The following ZC3H7A variants were observed in gnomAD, a reference collection of about 807,000 sequenced individuals.
The protein encoded by ZC3H7A is zinc finger CCCH-type containing 7A, also known as zinc finger CCCH domain-containing protein 7A.
A neutral mutation model predicts 125.5 loss-of-function variants in ZC3H7A; 44 were observed. The ratio of observed to expected loss-of-function variants is 0.35; its 90% CI spans 0.28 to 0.45. The LOEUF (loss-of-function observed/expected upper bound fraction) is 0.45, where lower values mean the gene tolerates loss of function less well. Among genes scored for constraint, ZC3H7A ranks in the 20% least tolerant of loss-of-function variants. ZC3H7A has a pLI of 1.00. For missense variants in ZC3H7A, 977 were observed against 1,170.7 expected, an observed-to-expected ratio of 0.83 and a Z score of 2.41; for synonymous variants, 399 against 391.2, an observed-to-expected ratio of 1.02 and a Z score of -0.23.
intron 1 of ZC3H7A, among the ~76,000 whole-genome samples, chr16:11,790,106 T>C (rs1415789052): frequency 6.8e-6 from 1 of 146,014 alleles, no homozygotes; most frequent in Non-Finnish European, 1.5e-5. Flanking sequence ...AAAAAAAGAA[T>C]TTCTAAAGGA....
At chr16:11,777,530 G>C (rs1446099255) in intron 4 of ZC3H7A, among the ~76,000 whole-genome samples, 1 of 152,060 alleles carries the variant, frequency 6.6e-6, no homozygotes, top group African/African-American at 2.4e-5. Context: ...AGACCAGCCT[G>C]GCCAACATGG....
chr16:11,787,873 G>A (rs567520454), intron 1 of ZC3H7A, among the ~76,000 whole-genome samples: 4 of 151,948 alleles, frequency 2.6e-5, no homozygotes, highest in Admixed American at 2.6e-4. Flanking sequence ...TTGAACCCAG[G>A]AGGCAGAGGT....
intron 19 of ZC3H7A, chr16:11,758,876 T>C (rs951730446): frequency 3.9e-6 from 1 of 257,368 alleles, no homozygotes; most frequent in African/African-American, 2.3e-5. Context: ...AGCTCCTGTT[T>C]CCCTGCCCAA....
chr16:11,754,441 A>G (rs1342534792), intron 21 of ZC3H7A, among the ~76,000 whole-genome samples: 2 of 151,844 alleles, frequency 1.3e-5, no homozygotes, highest in East Asian at 3.9e-4. Flanking sequence ...GACGCTGGGC[A>G]AGGCCAGGCC....
intron 13 of ZC3H7A, among the ~76,000 whole-genome samples, chr16:11,767,086 C>G (rs1382258642): frequency 1.3e-5 from 2 of 152,168 alleles, no homozygotes; most frequent in Non-Finnish European, 2.9e-5. Flanking sequence ...TTTCAGTCAA[C>G]TACAGACTGC....
intron 22 of ZC3H7A, 73 bp downstream of exon 22, chr16:11,752,596 G>C: frequency 6.5e-7 from 1 of 1,535,274 alleles, no homozygotes; most frequent in Non-Finnish European, 8.8e-7. Context: ...CAGGTATTCC[G>C]TGTCAGCTGA....
chr16:11,750,701 A>G lies in ZC3H7A; in HGVS notation c.*616T>C, dbSNP rs2052541124. 6.6e-6 allele frequency: 1 copy of G among 152,668 alleles called. No individual in the cohort carries two copies. The highest frequency in any genetic ancestry group is 2.4e-5 in the African/African-American group (1 of 41,422). 9.5% of individuals were successfully genotyped at this position (152,668 alleles called of 1,614,324 possible). On this transcript the variant is annotated 3_prime_UTR_variant, in exon 23 of 23. Transcript: ENST00000355758. ...ATCATCATTTAAACAGCAAAAGACC[A>G]AGAAATAAAATTTGAGTCAATTATT...
Position 11,765,187 on chromosome 16 carries a change from T to A in ZC3H7A, c.1720-34A>T. On this transcript the variant is annotated intron_variant, in intron 14 of 22. Coordinates refer to ENST00000355758, the MANE Select transcript of ZC3H7A (RefSeq NM_014153.4). This position sits in a 1 kb window ranked among gnomAD's most constrained non-coding sequence, Gnocchi z 4.8. ...GAGAGAGAAAGATTATCAAAAAAAA[T>A]ACAAAATATAAATTTTGTACCCAGA... is the stretch of plus-strand genomic sequence containing the variant. The A allele has an allele frequency of 3.0e-6, 4 of 1,322,586 alleles. No individual in the cohort carries two copies. The highest frequency in any genetic ancestry group is 4.1e-6 in the Non-Finnish European group (4 of 966,218). The allele number at this position is 1,322,586 out of a possible 1,614,324, so 81.9% of individuals were successfully genotyped here. A position where few individuals can be genotyped will look rare whatever the true frequency, so the allele number is the denominator to read the frequency against.
At chr16:11,757,708 C>T (rs1597535298) in intron 20 of ZC3H7A, among the ~76,000 whole-genome samples, 1 of 152,116 alleles carries the variant, frequency 6.6e-6, no homozygotes, top group African/African-American at 2.4e-5. Flanking sequence ...AGGGCATCTT[C>T]AGTCAGGCCG....
At chr16:11,756,578 T>C (rs2141158767) in intron 20 of ZC3H7A, among the ~76,000 whole-genome samples, 1 of 152,322 alleles carries the variant, frequency 6.6e-6, no homozygotes, top group East Asian at 1.9e-4. Flanking sequence ...GACTGTTAGA[T>C]GGCAAATATT....
At chr16:11,795,986 A>G (rs2053430605) in intron 1 of ZC3H7A, among the ~76,000 whole-genome samples, 1 of 151,826 alleles carries the variant, frequency 6.6e-6, no homozygotes, top group African/African-American at 2.4e-5. Flanking sequence ...GTGCGCCACC[A>G]CGCCCAGTTA....
chr16:11,786,622 G>C (rs1009323497), intron 1 of ZC3H7A, among the ~76,000 whole-genome samples: 1 of 152,178 alleles, frequency 6.6e-6, no homozygotes, highest in Non-Finnish European at 1.5e-5. Flanking sequence ...CGTTTTTAAT[G>C]CACAAAATAC....
In ZC3H7A at chr16:11,767,381, T is replaced by C. The variant is rs368815238; in HGVS notation, c.1522+36A>G. ...AAGCATGACTGTAGTTCATCACTTA[T>C]GTAATGTATACTAATTAAGTAATTA... On this transcript the variant is annotated intron_variant, in intron 13 of 22. Transcript: ENST00000355758. 31 of 1,414,328 alleles carry C rather than the reference T, an allele frequency of 2.2e-5. No individual in the cohort carries two copies. In the African/African-American group the frequency reaches 3.6e-4, roughly 16 times the overall value. The allele number at this position is 1,414,328 out of a possible 1,614,324, so 87.6% of individuals were successfully genotyped here.
intron 1 of ZC3H7A, chr16:11,782,696 A>G (rs1033571952): frequency 5.3e-6 from 1 of 187,898 alleles, no homozygotes; most frequent in Non-Finnish European, 1.1e-5. Flanking sequence ...GCTCACTGCA[A>G]ACTTCACCTC....
intron 21 of ZC3H7A, among the ~76,000 whole-genome samples, chr16:11,755,482 T>C (rs563036136): frequency 1.1e-4 from 17 of 152,294 alleles, no homozygotes; most frequent in African/African-American, 3.1e-4. Flanking sequence ...GGTAACTTAA[T>C]GTCCCCAAGA....
At chr16:11,788,302 C>G (rs1025203795) in intron 1 of ZC3H7A, among the ~76,000 whole-genome samples, 12 of 152,084 alleles carry the variant, frequency 7.9e-5, no homozygotes, top group African/African-American at 2.4e-4. Flanking sequence ...CTCTTGAGAT[C>G]TCCCCGAGCC....
intron 21 of ZC3H7A, among the ~76,000 whole-genome samples, chr16:11,754,467 A>G (rs929242660): frequency 6.6e-6 from 1 of 151,882 alleles, no homozygotes; most frequent in African/African-American, 2.4e-5. Context: ...CAAGGCCTGC[A>G]ATGGGCAATG....
chr16:11,771,249 A>G (rs891959015), intron 9 of ZC3H7A, among the ~76,000 whole-genome samples: 7 of 151,942 alleles, frequency 4.6e-5, no homozygotes, highest in African/African-American at 1.7e-4. Flanking sequence ...TTGGCTGTGC[A>G]TGGTGGCATG....
chr16:11,771,334 G>C (rs960829179), intron 9 of ZC3H7A, among the ~76,000 whole-genome samples: 1 of 151,714 alleles, frequency 6.6e-6, no homozygotes, highest in African/African-American at 2.4e-5. Context: ...CTTGCAGTGA[G>C]CCAAGATCAC....
Sources: gnomAD v4.1 joint callset for allele counts (sites outside exome capture counted in the v4.1 genomes callset) on GRCh38, gnomAD v4.1.1 for gene constraint, Gnocchi (gnomAD v3.1) non-coding constraint, MANE v1.5 for transcripts, NCBI Gene and HGNC (gene_info 2026-07-23, HGNC 2026-07-21) for gene names.